The following RAB38 variants were observed in gnomAD, a reference collection of about 807,000 sequenced individuals.
RAB38 encodes RAB38, member RAS oncogene family.
A neutral mutation model predicts 18.4 loss-of-function variants in RAB38; 15 were observed. The observed-to-expected ratio is 0.82, with a 90% CI of 0.55 to 1.26. RAB38 has a LOEUF of 1.26. Among genes scored for constraint, RAB38 ranks in the 50% most tolerant of loss-of-function variants. The pLI, the probability that RAB38 is intolerant of heterozygous loss-of-function variation, is 0.00. For synonymous variants in RAB38, 101 were observed against 104.4 expected (o/e 0.97, Z 0.20); for missense variants, 294 against 267.4 (o/e 1.10, Z -0.69).
chr11:88,006,980 G>A, the RAB38 span, among the ~76,000 whole-genome samples: 2 of 151,648 alleles, frequency 1.3e-5, no homozygotes, highest in Middle Eastern at 3.2e-3. Context: ...ACCTAAAGGA[G>A]AGGTTTTTGA....
At chr11:88,053,064 A>T in the RAB38 span, among the ~76,000 whole-genome samples, 1 of 63,602 alleles carries the variant, frequency 1.6e-5, no homozygotes, top group African/African-American at 5.2e-5. Context: ...TATATATATT[A>T]TATATATACA....
At chr11:88,160,288 A>G (rs978319327) in intron 1 of RAB38, among the ~76,000 whole-genome samples, 3 of 152,150 alleles carry the variant, frequency 2.0e-5, no homozygotes, top group Non-Finnish European at 4.4e-5. Flanking sequence ...ATCTCACACC[A>G]GTCAGAATGG....
chr11:88,149,015 G>C lies in RAB38; in HGVS notation c.483+660C>G, dbSNP rs146041518. 5.6e-3 allele frequency among the ~76,000 whole-genome samples: 854 copies of C among 152,100 alleles called. 5 individuals are homozygous for C. The highest frequency in any genetic ancestry group is 0.02 in the African/African-American group (814 of 41,472). On this transcript the variant is annotated intron_variant, in intron 2 of 2. Coordinates refer to ENST00000243662, the MANE Select transcript of RAB38 (RefSeq NM_022337.3). ...AGCCAGGAACCTGACATATCAGATG[G>C]CAACATGAGGGAACAATGAGAAGTA...
chr11:88,066,325 T>C, the RAB38 span, among the ~76,000 whole-genome samples: 1 of 152,210 alleles, frequency 6.6e-6, no homozygotes, highest in South Asian at 2.1e-4. Flanking sequence ...TGCACAGTGG[T>C]TCCAAGGATA....
the RAB38 span, among the ~76,000 whole-genome samples, chr11:87,833,672 A>T: frequency 6.6e-6 from 1 of 152,240 alleles, no homozygotes; most frequent in African/African-American, 2.4e-5. Context: ...AAGAAACTGA[A>T]GTACAGAGTT....
At chr11:88,026,677 C>T in the RAB38 span, among the ~76,000 whole-genome samples, 2 of 151,930 alleles carry the variant, frequency 1.3e-5, no homozygotes, top group Admixed American at 6.5e-5. Context: ...TGCACCCGGC[C>T]GTTTTCTTCT....
the RAB38 span, among the ~76,000 whole-genome samples, chr11:87,918,929 T>TAA: frequency 6.7e-6 from 1 of 148,382 alleles, no homozygotes; most frequent in Admixed American, 6.7e-5. Flanking sequence ...TGGGTCACAG[T>TAA]AAAAAAAAAA....
chr11:88,026,216 T>C, the RAB38 span, among the ~76,000 whole-genome samples: 1 of 151,770 alleles, frequency 6.6e-6, no homozygotes, highest in Non-Finnish European at 1.5e-5. Context: ...ATATGGAAAA[T>C]AGATTAGTGG....
At chr11:87,943,996 T>C in the RAB38 span, among the ~76,000 whole-genome samples, 1 of 152,278 alleles carries the variant, frequency 6.6e-6, no homozygotes, top group African/African-American at 2.4e-5. Context: ...TATACAGACA[T>C]ACCTTGAAAA....
chr11:87,926,873 C>A, the RAB38 span, among the ~76,000 whole-genome samples: 2 of 151,964 alleles, frequency 1.3e-5, no homozygotes, highest in Non-Finnish European at 2.9e-5. Context: ...CCCAGGAAAC[C>A]CTGGCTAGGC....
chr11:87,977,907 A>C, the RAB38 span, among the ~76,000 whole-genome samples: 74 of 112,758 alleles, frequency 6.6e-4, 1 homozygote, highest in Non-Finnish European at 1.2e-3. Flanking sequence ...ACATATAATT[A>C]TATACATAAA....
the RAB38 span, among the ~76,000 whole-genome samples, chr11:87,862,249 A>G: frequency 1.3e-5 from 2 of 151,990 alleles, no homozygotes; most frequent in Admixed American, 6.6e-5. Flanking sequence ...GCAAAGACAT[A>G]GAATCAACCT....
At chr11:88,050,717 T>C in the RAB38 span, among the ~76,000 whole-genome samples, 1 of 152,242 alleles carries the variant, frequency 6.6e-6, no homozygotes, top group Non-Finnish European at 1.5e-5. Context: ...TCTTCTCTGA[T>C]TCTTGTTCCA....
At chr11:87,866,326 C>A in the RAB38 span, among the ~76,000 whole-genome samples, 1 of 151,696 alleles carries the variant, frequency 6.6e-6, no homozygotes, top group Non-Finnish European at 1.5e-5. Flanking sequence ...AGTTCTCTGG[C>A]AAGCACTAAT....
chr11:87,935,707 A>G, the RAB38 span, among the ~76,000 whole-genome samples: 1 of 152,040 alleles, frequency 6.6e-6, no homozygotes, highest in Admixed American at 6.6e-5. Context: ...GAACATTTCC[A>G]TTACCATAAG....
At chr11:88,069,245 G>A in the RAB38 span, among the ~76,000 whole-genome samples, 2 of 152,184 alleles carry the variant, frequency 1.3e-5, no homozygotes, top group South Asian at 2.1e-4. Flanking sequence ...CAGCCCACCC[G>A]TGCTGTGCTC....
chr11:88,145,023 C>T (rs905592111), intron 2 of RAB38, among the ~76,000 whole-genome samples: 12 of 152,206 alleles, frequency 7.9e-5, no homozygotes, highest in Non-Finnish European at 7.4e-5. Flanking sequence ...GTGTGCATCA[C>T]GGCTAGATCG....
chr11:88,049,094 G>A, the RAB38 span, among the ~76,000 whole-genome samples: 7 of 151,724 alleles, frequency 4.6e-5, no homozygotes, highest in Admixed American at 2.0e-4. Context: ...TTCCCACGCC[G>A]CCCCTAATCC....
the RAB38 span, among the ~76,000 whole-genome samples, chr11:87,824,778 AT>A: frequency 6.6e-6 from 1 of 152,288 alleles, no homozygotes; most frequent in South Asian, 2.1e-4. Context: ...AATGCAGGAG[AT>A]TTCTATGCAG....
Sources: gnomAD v4.1 joint callset for allele counts (sites outside exome capture counted in the v4.1 genomes callset) on GRCh38, gnomAD v4.1.1 for gene constraint, MANE v1.5 for transcripts, NCBI Gene and HGNC (gene_info 2026-07-23, HGNC 2026-07-21) for gene names.